Variants in DYSF observed in about 807,000 individuals in gnomAD.
DYSF encodes dysferlin.
Under a neutral mutation model 274.9 loss-of-function variants are expected in DYSF, and 212 were observed. The ratio of observed to expected loss-of-function variants is 0.77; its 90% confidence interval spans 0.69 to 0.86. The LOEUF is 0.86. DYSF is among the 40% of genes least tolerant of loss of function. DYSF has a pLI of 0.00. For synonymous variants in DYSF, 1,091 were observed against 1,078.7 expected, an observed-to-expected ratio of 1.01 and a Z score of -0.22; for missense variants, 2,666 against 2,783.2, an observed-to-expected ratio of 0.96 and a Z score of 0.95.
In DYSF at chr2:71,561,750, A is replaced by G. The variant is rs747289205; in HGVS notation, c.2217-2A>G. 1.9e-6 allele frequency: 3 copies of G among 1,614,016 alleles called. No homozygotes were observed. The highest frequency in any genetic ancestry group is 1.3e-5 in the African/African-American group (1 of 74,898). ...CGCATTCCATCTGTCCGTCCCTCAC[A>G]GCCAGCCTCTGGGTGACATCCATGA... On this transcript the variant is annotated splice_acceptor_variant, in intron 22 of 55. Transcript: ENST00000410020. LOFTEE classifies it high-confidence loss of function.
At chr2:71,530,983 A>C (rs2088634198) in intron 14 of DYSF, among the ~76,000 whole-genome samples, 1 of 152,026 alleles carries the variant, frequency 6.6e-6, no homozygotes, top group Admixed American at 6.6e-5. Flanking sequence ...AGAAGATAGG[A>C]GTGTGGGAGA....
At chr2:71,669,287 C>A in intron 50 of DYSF, 80 bp downstream of exon 50, 1 of 1,254,256 alleles carries the variant, frequency 8.0e-7, no homozygotes, top group Non-Finnish European at 1.1e-6. Flanking sequence ...GCACGGGGGG[C>A]TCTGGCTCAG....
At chr2:71,559,901 C>T (rs372904939) in intron 22 of DYSF, among the ~76,000 whole-genome samples, 44 of 152,210 alleles carry the variant, frequency 2.9e-4, no homozygotes, top group East Asian at 9.6e-4. Flanking sequence ...AAATGAATGC[C>T]CCGAGGCCAG....
chr2:71,664,526 G>C (rs2094960505), intron 46 of DYSF, 88 bp downstream of exon 46: 1 of 1,536,258 alleles, frequency 6.5e-7, no homozygotes, highest in Non-Finnish European at 8.9e-7. Flanking sequence ...AGCACTTACT[G>C]TGTGCCAGCC....
rs185187958 is a variant in DYSF at position 71,678,913 on chromosome 2, G to A, written c.5885-144G>A. 5.2e-4 allele frequency: 379 copies of A among 731,678 alleles called. 3 individuals carry two copies. Among genetic ancestry groups the A allele is most frequent in the African/African-American group, 4.4e-3 (256 of 57,878 alleles). The allele number at this position is 731,678 out of a possible 1,614,324, so 45.3% of individuals were successfully genotyped here. ...CAATGGGTAGGGAGGTGGAGAGTTC[G>A]TGAGATTTTACCTGTGGCTCGGCCA... On this transcript the variant is annotated intron_variant, in intron 52 of 55. Transcript: ENST00000410020.
At chr2:71,625,342 A>T (rs79479430) in intron 41 of DYSF, among the ~76,000 whole-genome samples, 2,001 of 152,196 alleles carry the variant, frequency 0.013, 29 homozygotes, top group Middle Eastern at 0.017. Context: ...TTTCACCTGG[A>T]ATTGATTTTG....
chr2:71,658,379 C>T (rs1174439057), intron 43 of DYSF, among the ~76,000 whole-genome samples: 1 of 152,204 alleles, frequency 6.6e-6, no homozygotes, highest in Non-Finnish European at 1.5e-5. Flanking sequence ...TTATTCTGAG[C>T]CCTCCAAACT....
intron 53 of DYSF, among the ~76,000 whole-genome samples, chr2:71,680,057 A>C (rs1202336674): frequency 6.6e-6 from 1 of 152,160 alleles, no homozygotes. Flanking sequence ...ATCTATGAGA[A>C]AGTTTAATTT....
intron 14 of DYSF, among the ~76,000 whole-genome samples, chr2:71,528,698 CA>C (rs1253930062): frequency 4.6e-5 from 7 of 152,052 alleles, no homozygotes; most frequent in African/African-American, 1.5e-4. Context: ...GAAAATGGAG[CA>C]ATAGCATGGA....
At chr2:71,668,926 C>T (rs2095067724) in intron 49 of DYSF, 84 bp downstream of exon 49, 1 of 1,461,854 alleles carries the variant, frequency 6.8e-7, no homozygotes, top group Non-Finnish European at 9.4e-7. Flanking sequence ...GGCGGTTGCT[C>T]TTTTCTGCCG....
chr2:71,595,536 A>G (rs886771766), intron 32 of DYSF, among the ~76,000 whole-genome samples: 2 of 152,154 alleles, frequency 1.3e-5, no homozygotes, highest in Non-Finnish European at 2.9e-5. Context: ...AGCTTAGTGT[A>G]TTGTGAACGC....
In DYSF at chr2:71,592,625, A is replaced by T. The variant is rs913914871; in HGVS notation, c.3574+2337A>T. On this transcript the variant is annotated intron_variant, in intron 32 of 55. Coordinates refer to ENST00000410020, the MANE Select transcript of DYSF (RefSeq NM_001130987.2). Reference sequence around the variant, plus strand: ...GTGTGAATCCGGAATGTCTGGGGCCAGGGGAGGGCCTGGCACAGTGTCTGT... The same window carrying T: ...GTGTGAATCCGGAATGTCTGGGGCCTGGGGAGGGCCTGGCACAGTGTCTGT... Among the ~76,000 whole-genome samples, 4 of 152,368 alleles carry T rather than the reference A, an allele frequency of 2.6e-5. No homozygotes were observed. In the South Asian group the frequency reaches 8.3e-4, roughly 32 times the overall value.
At chr2:71,548,456 C>A (rs1348109302) in intron 17 of DYSF, among the ~76,000 whole-genome samples, 1 of 152,126 alleles carries the variant, frequency 6.6e-6, no homozygotes, top group Non-Finnish European at 1.5e-5. Context: ...CCTCAGACTG[C>A]GTTACACTTT....
intron 30 of DYSF, among the ~76,000 whole-genome samples, chr2:71,579,146 C>A (rs917208732): frequency 6.6e-6 from 1 of 152,128 alleles, no homozygotes; most frequent in Admixed American, 6.6e-5. Flanking sequence ...ACCCAGTCAC[C>A]CCCTCCTGAC....
chr2:71,635,992 A>G (rs920438228), intron 41 of DYSF, among the ~76,000 whole-genome samples: 8 of 152,034 alleles, frequency 5.3e-5, no homozygotes, highest in African/African-American at 1.9e-4. Context: ...TCAAGACAAG[A>G]AGGAAATGAG....
intron 26 of DYSF, among the ~76,000 whole-genome samples, chr2:71,569,065 G>C (rs868574304): frequency 1.3e-5 from 2 of 152,004 alleles, no homozygotes; most frequent in South Asian, 2.1e-4. Flanking sequence ...TAGTAGAGAC[G>C]AGGTTTCACC....
chr2:71,475,878 C>T (rs1183575401), intron 1 of DYSF, among the ~76,000 whole-genome samples: 2 of 152,196 alleles, frequency 1.3e-5, no homozygotes, highest in Non-Finnish European at 1.5e-5. Context: ...AAGCAACCCT[C>T]CCACCTCAGC....
chr2:71,611,656 C>T, intron 38 of DYSF, 30 bp downstream of exon 38: 2 of 1,609,340 alleles, frequency 1.2e-6, no homozygotes, highest in Non-Finnish European at 8.5e-7. Flanking sequence ...TGTCCCCTTC[C>T]AGAGTCCTGG....
rs138936064 is a variant in DYSF at position 71,679,235 on chromosome 2, G to A, written c.6063G>A (p.Ala2021=). The change falls in exon 53 of 56, where the codon GCG becomes GCA. Residue 2021 remains alanine, a splice_region_variant and synonymous_variant. Transcript: ENST00000410020. The stretch of plus-strand genomic sequence containing the variant: ...AAGAGGGTGAGAAGAAAATACTGGC[G>A]GTAAGTCTACTTCCTCCAGCCCCAG... ...VAEEGEKKIL[A]GKLEMTLEIV... is the part of the protein sequence containing the mutation. The A allele has an allele frequency of 9.4e-5, 151 of 1,613,766 alleles. No homozygotes were observed. In the African/African-American group the frequency reaches 9.7e-4, roughly 10 times the overall value.
Sources: allele counts gnomAD v4.1 joint callset (sites outside exome capture counted in the v4.1 genomes callset), GRCh38; gene constraint gnomAD v4.1.1; transcripts MANE v1.5; gene names NCBI Gene and HGNC (gene_info 2026-07-23, HGNC 2026-07-21).